The following ADGRB3 variants were observed in gnomAD, a reference collection of about 807,000 sequenced individuals.
The protein encoded by ADGRB3 is adhesion G protein-coupled receptor B3, also known as brain-specific angiogenesis inhibitor 3.
ADGRB3 carries 37 observed loss-of-function variants against 193.4 expected under a neutral mutation model. The observed-to-expected ratio is 0.19, with a 90% CI of 0.15 to 0.25. The LOEUF is 0.25. ADGRB3 is among the 10% of genes least tolerant of loss of function. The pLI, the probability that ADGRB3 is intolerant of heterozygous loss-of-function variation, is 1.00. For missense variants in ADGRB3, 1,637 were observed against 1,852.9 expected, an observed-to-expected ratio of 0.88 and a Z score of 2.14; for synonymous variants, 690 against 644.2, an observed-to-expected ratio of 1.07 and a Z score of -1.08.
At chr6:69,380,615 A>G (rs1769926851) in intron 30 of ADGRB3, among the ~76,000 whole-genome samples, 1 of 151,948 alleles carries the variant, frequency 6.6e-6, no homozygotes, top group South Asian at 2.1e-4. Flanking sequence ...GGAATAACTA[A>G]TTTGAGGAAT....
intron 15 of ADGRB3, among the ~76,000 whole-genome samples, chr6:69,052,479 G>C (rs1442658256): frequency 6.6e-6 from 1 of 152,142 alleles, no homozygotes; most frequent in Non-Finnish European, 1.5e-5. Flanking sequence ...AGCCACGTTT[G>C]TTATACACAG....
chr6:69,021,523 A>G (rs1562125038), intron 13 of ADGRB3, among the ~76,000 whole-genome samples: 1 of 151,962 alleles, frequency 6.6e-6, no homozygotes, highest in Non-Finnish European at 1.5e-5. Flanking sequence ...AGGCACATGT[A>G]TAGCAAATAG....
rs1348938452 is a variant in ADGRB3 at position 68,897,864 on chromosome 6, AAAAG to A, written c.758-32675_758-32672del. ...AGAAAGAAAGAAGAAAACAAAAGAA[AAAAG>A]AAAGAAAGAAAGAAAGAAAAAAGAA... is the stretch of plus-strand genomic sequence containing the variant. On this transcript the variant is annotated intron_variant, in intron 3 of 31. Transcript: ENST00000370598. Among the ~76,000 whole-genome samples, 492 of 138,342 alleles carry A rather than the reference AAAAG, an allele frequency of 3.6e-3. 4 individuals are homozygous for A. Among genetic ancestry groups the A allele is most frequent in the South Asian group, 0.014 (63 of 4,392 alleles). The allele number at this position is 138,342 out of a possible 152,430, so 90.8% of individuals were successfully genotyped here.
At chr6:68,861,605 A>G (rs548337924) in intron 3 of ADGRB3, among the ~76,000 whole-genome samples, 1 of 152,232 alleles carries the variant, frequency 6.6e-6, no homozygotes, top group Non-Finnish European at 1.5e-5. Context: ...TTGTCAGTAT[A>G]CAACAGTTAT....
At chr6:68,965,445 G>GT (rs66575626) in intron 8 of ADGRB3, among the ~76,000 whole-genome samples, 12,260 of 148,692 alleles carry the variant, frequency 0.082, 1,483 homozygotes, top group African/African-American at 0.27. Flanking sequence ...AGTAGTACAT[G>GT]TTTTTTTTTT....
At chr6:68,952,917 A>C (rs764329431) in intron 6 of ADGRB3, among the ~76,000 whole-genome samples, 5 of 152,186 alleles carry the variant, frequency 3.3e-5, no homozygotes, top group African/African-American at 7.2e-5. Flanking sequence ...GAATATGTAC[A>C]TGGTTAGAAA....
chr6:69,168,973 C>T (rs1775202192), intron 17 of ADGRB3, among the ~76,000 whole-genome samples: 1 of 151,514 alleles, frequency 6.6e-6, no homozygotes, highest in Admixed American at 6.6e-5. Context: ...TAATATTTAC[C>T]ATAAAAATTT....
chr6:68,759,148 T>C (rs1373498370), intron 3 of ADGRB3, among the ~76,000 whole-genome samples: 2 of 152,124 alleles, frequency 1.3e-5, no homozygotes, highest in African/African-American at 4.8e-5. Flanking sequence ...AAATAGTAGA[T>C]ATTAAATTAT....
intron 17 of ADGRB3, among the ~76,000 whole-genome samples, chr6:69,165,054 CT>C (rs1775096606): frequency 1.3e-5 from 2 of 151,944 alleles, no homozygotes; most frequent in South Asian, 4.1e-4. Flanking sequence ...CACTCCAAAT[CT>C]CTTCCACCCG....
intron 3 of ADGRB3, among the ~76,000 whole-genome samples, chr6:68,903,992 G>GAAA (rs777405065): frequency 2.4e-5 from 2 of 84,020 alleles, no homozygotes; most frequent in Non-Finnish European, 4.5e-5. Context: ...AAGACAATAT[G>GAAA]AAAAAAAAAA....
At chr6:68,801,787 A>G (rs1767316641) in intron 3 of ADGRB3, among the ~76,000 whole-genome samples, 1 of 152,200 alleles carries the variant, frequency 6.6e-6, no homozygotes, top group South Asian at 2.1e-4. Flanking sequence ...AACAAATGGA[A>G]ACTCCTATGA....
At chr6:68,806,627 A>G (rs1767405717) in intron 3 of ADGRB3, among the ~76,000 whole-genome samples, 1 of 151,714 alleles carries the variant, frequency 6.6e-6, no homozygotes, top group Admixed American at 6.6e-5. Context: ...ATTTTTATAT[A>G]AATATGTGAA....
chr6:69,174,456 T>A (rs1775370348), intron 17 of ADGRB3, among the ~76,000 whole-genome samples: 2 of 152,236 alleles, frequency 1.3e-5, no homozygotes, highest in African/African-American at 4.8e-5. Context: ...GGCAGAATAG[T>A]ATTCCATGGT....
chr6:69,198,541 G>A (rs530680837), intron 17 of ADGRB3, among the ~76,000 whole-genome samples: 64 of 152,166 alleles, frequency 4.2e-4, no homozygotes, highest in African/African-American at 1.5e-3. Context: ...AATAAAGGGA[G>A]TATCTGAGAA....
At chr6:69,114,575 G>C (rs1001550075) in intron 17 of ADGRB3, among the ~76,000 whole-genome samples, 1 of 152,142 alleles carries the variant, frequency 6.6e-6, no homozygotes, top group African/African-American at 2.4e-5. Flanking sequence ...AGTCATGAAA[G>C]TCTTTGCCCA....
intron 13 of ADGRB3, among the ~76,000 whole-genome samples, chr6:69,032,435 TGTGA>T (rs3839462): frequency 0.023 from 3,483 of 152,366 alleles, 63 homozygotes; most frequent in East Asian, 0.052. Context: ...AGGATGCTGC[TGTGA>T]GTTTGTGTAA....
At chr6:69,251,139 A>G (rs1561966302) in intron 20 of ADGRB3, among the ~76,000 whole-genome samples, 1 of 152,236 alleles carries the variant, frequency 6.6e-6, no homozygotes, top group Non-Finnish European at 1.5e-5. Context: ...AAAGCGTCTC[A>G]TCAATTACAT....
At chr6:69,375,420 C>A (rs758866196) in intron 30 of ADGRB3, among the ~76,000 whole-genome samples, 1 of 151,984 alleles carries the variant, frequency 6.6e-6, no homozygotes, top group African/African-American at 2.4e-5. Flanking sequence ...GAGGCAGAAT[C>A]TATGGAATTT....
At chr6:69,131,746 A>G (rs1774016972) in intron 17 of ADGRB3, among the ~76,000 whole-genome samples, 1 of 151,954 alleles carries the variant, frequency 6.6e-6, no homozygotes, top group Non-Finnish European at 1.5e-5. Flanking sequence ...TATCTACATT[A>G]GGTATTTCTC....
Sources: gnomAD v4.1 joint callset for allele counts (sites outside exome capture counted in the v4.1 genomes callset) on GRCh38, gnomAD v4.1.1 for gene constraint, MANE v1.5 for transcripts, NCBI Gene and HGNC (gene_info 2026-07-23, HGNC 2026-07-21) for gene names.